Variants in SLC4A4 observed in about 807,000 individuals in gnomAD.
SLC4A4 encodes electrogenic sodium bicarbonate cotransporter 1.
Under a neutral mutation model 111.5 loss-of-function variants are expected in SLC4A4, and 27 were observed. That is an observed-to-expected ratio of 0.24 (90% CI 0.18 to 0.33). The LOEUF is 0.33. SLC4A4 is among the 10% of genes least tolerant of loss of function. The probability of loss-of-function intolerance (pLI) is 1.00; values close to 1 mark genes in which losing one functional copy is unlikely to be tolerated. For missense variants in SLC4A4, 909 were observed against 1,315.5 expected (o/e 0.69, Z 4.78); for synonymous variants, 443 against 463.4 (o/e 0.96, Z 0.57).
intron 1 of SLC4A4, among the ~76,000 whole-genome samples, chr4:71,089,802 C>T (rs1290147492): frequency 3.3e-5 from 5 of 151,972 alleles, no homozygotes; most frequent in African/African-American, 7.3e-5. Flanking sequence ...TGTCAGTCTG[C>T]CCCTACTGGG....
chr4:71,476,333 A>G (rs761850649), intron 14 of SLC4A4, among the ~76,000 whole-genome samples: 1 of 151,794 alleles, frequency 6.6e-6, no homozygotes, highest in Non-Finnish European at 1.5e-5. Flanking sequence ...GAGCTCAAGT[A>G]AATATTCTAA....
chr4:71,320,719 G>A (rs1365023560), intron 3 of SLC4A4, among the ~76,000 whole-genome samples: 1 of 151,966 alleles, frequency 6.6e-6, no homozygotes, highest in Non-Finnish European at 1.5e-5. Context: ...GTACTTGATG[G>A]ATCTAAACAA....
chr4:71,464,052 G>A (rs1476446179), intron 12 of SLC4A4, among the ~76,000 whole-genome samples: 4 of 152,076 alleles, frequency 2.6e-5, no homozygotes, highest in Admixed American at 6.5e-5. Context: ...AGTGTAGCTT[G>A]TCCTGCCACA....
intron 16 of SLC4A4, among the ~76,000 whole-genome samples, chr4:71,519,896 C>T (rs543656615): frequency 6.4e-4 from 98 of 152,200 alleles, no homozygotes; most frequent in Non-Finnish European, 1.2e-3. Flanking sequence ...GTGATCTGTC[C>T]GCCTTGCCCT....
rs371801381 is a variant in SLC4A4, at chr4:71,507,272, A to G, written c.2166+9580A>G. Among the ~76,000 whole-genome samples the G allele has an allele frequency of 6.6e-5, 10 of 152,346 alleles. No homozygotes were observed. The East Asian group carries it at 1.9e-3, about 29-fold the overall frequency. On this transcript the variant is annotated intron_variant, in intron 16 of 25. Transcript: ENST00000264485. ...CTAACTTTACATGTAAATGGGCTAA[A>G]TGCCCCAGTTAAAAGACACAGAGTG...
intron 6 of SLC4A4, among the ~76,000 whole-genome samples, chr4:71,368,879 G>T (rs550591469): frequency 6.6e-6 from 1 of 152,254 alleles, no homozygotes; most frequent in South Asian, 2.1e-4. Flanking sequence ...GCAGGGCATG[G>T]GAGGGAGTGT....
chr4:71,160,066 A>G (rs1744579154), intron 2 of SLC4A4, among the ~76,000 whole-genome samples: 1 of 149,352 alleles, frequency 6.7e-6, no homozygotes, highest in Admixed American at 6.6e-5. Flanking sequence ...TATTTAATTC[A>G]TGTACTTTTT....
At chr4:71,369,348 T>A (rs960070014) in intron 6 of SLC4A4, among the ~76,000 whole-genome samples, 2 of 152,184 alleles carry the variant, frequency 1.3e-5, no homozygotes, top group Non-Finnish European at 2.9e-5. Flanking sequence ...TGATCTGCTG[T>A]CCTGAATCCA....
At chr4:71,437,380 A>G (rs796438463) in intron 7 of SLC4A4, 13 of 316,494 alleles carry the variant, frequency 4.1e-5, no homozygotes, top group African/African-American at 2.2e-4. Flanking sequence ...AGAAACTACT[A>G]TCAGTTTGTG....
intron 6 of SLC4A4, among the ~76,000 whole-genome samples, chr4:71,373,339 A>G (rs759694616): frequency 2.0e-5 from 3 of 152,198 alleles, no homozygotes; most frequent in East Asian, 1.9e-4. Flanking sequence ...TGCAAATACT[A>G]ATTAGAAGAA....
chr4:71,292,399 T>C (rs1207821498), intron 3 of SLC4A4, among the ~76,000 whole-genome samples: 1 of 152,158 alleles, frequency 6.6e-6, no homozygotes, highest in African/African-American at 2.4e-5. Context: ...AACTAAGTTC[T>C]AGGAAGTAAG....
chr4:71,435,923 G>A (rs1724095658), intron 7 of SLC4A4, among the ~76,000 whole-genome samples: 1 of 152,196 alleles, frequency 6.6e-6, no homozygotes. Flanking sequence ...TGCTGGAGAG[G>A]ATGTGGAGAA....
chr4:71,235,109 A>C (rs944488818), intron 1 of SLC4A4, among the ~76,000 whole-genome samples: 1 of 152,190 alleles, frequency 6.6e-6, no homozygotes, highest in African/African-American at 2.4e-5. Flanking sequence ...AGTCAATGCA[A>C]GGTTGATATT....
intron 16 of SLC4A4, among the ~76,000 whole-genome samples, chr4:71,521,148 A>G (rs4694399): frequency 0.59 from 89,969 of 152,098 alleles, 29,180 homozygotes; most frequent in Non-Finnish European, 0.74. Context: ...ATGAGCCACC[A>G]CATCTGGCTC....
chr4:71,327,311 T>C (rs919821031), intron 3 of SLC4A4, among the ~76,000 whole-genome samples: 17 of 152,086 alleles, frequency 1.1e-4, no homozygotes, highest in African/African-American at 3.9e-4. Flanking sequence ...ATTTACTGCC[T>C]ATATTGTTCA....
chr4:71,353,851 G>A (rs577537722), intron 5 of SLC4A4, among the ~76,000 whole-genome samples: 3 of 152,294 alleles, frequency 2.0e-5, no homozygotes, highest in South Asian at 2.1e-4. Flanking sequence ...CCTCTGAGAG[G>A]CATCTCACCC....
At chr4:71,236,769 A>G in intron 2 of SLC4A4, 120 bp downstream of exon 2, 1 of 826,518 alleles carries the variant, frequency 1.2e-6, no homozygotes, top group South Asian at 1.5e-5. Context: ...TTTTCTATAG[A>G]GTTTCATCAA....
chr4:71,367,503 G>A (rs1371253062), intron 6 of SLC4A4, among the ~76,000 whole-genome samples: 2 of 152,102 alleles, frequency 1.3e-5, no homozygotes, highest in East Asian at 1.9e-4. Context: ...AGGAATATTG[G>A]CTCTTTAAGC....
At chr4:71,309,787 C>G (rs546366462) in intron 3 of SLC4A4, among the ~76,000 whole-genome samples, 1 of 152,044 alleles carries the variant, frequency 6.6e-6, no homozygotes, top group African/African-American at 2.4e-5. Context: ...TTCAAATGAT[C>G]GCAACTCCTT....
Sources: allele counts gnomAD v4.1 joint callset (sites outside exome capture counted in the v4.1 genomes callset), GRCh38; gene constraint gnomAD v4.1.1; transcripts MANE v1.5; gene names NCBI Gene and HGNC (gene_info 2026-07-23, HGNC 2026-07-21).